The following BAG2 variants were observed in gnomAD, a reference collection of about 807,000 sequenced individuals.
The protein encoded by BAG2 is BAG family molecular chaperone regulator 2.
A neutral mutation model predicts 16.4 loss-of-function variants in BAG2; 8 were observed. The observed-to-expected ratio is 0.49, with a 90% CI of 0.29 to 0.88. The LOEUF is 0.88. Ranked by LOEUF, BAG2 falls within the 40% of genes least tolerant of loss-of-function variation. The pLI, the probability that BAG2 is intolerant of heterozygous loss-of-function variation, is 0.09. For missense variants in BAG2, 218 were observed against 248.9 expected (o/e 0.88, Z 0.84); for synonymous variants, 82 against 89.2 (o/e 0.92, Z 0.46).
intron 2 of BAG2, among the ~76,000 whole-genome samples, chr6:57,183,565 G>T (rs1764534410): frequency 6.6e-6 from 1 of 152,088 alleles, no homozygotes; most frequent in South Asian, 2.1e-4. Flanking sequence ...AAGTCATCTG[G>T]TATCCCATAT....
rs1475065058 is a variant in BAG2 at position 57,185,561 on chromosome 6, A to G, written c.*1371A>G. 1 of 152,252 alleles carries G rather than the reference A, an allele frequency of 6.6e-6. No individual in the cohort carries two copies. The highest frequency in any genetic ancestry group is 1.9e-4 in the East Asian group (1 of 5,208). The allele number at this position is 152,252 out of a possible 1,614,324, so 9.4% of individuals were successfully genotyped here. A position where few individuals can be genotyped will look rare whatever the true frequency, so the allele number is the denominator to read the frequency against. Reference sequence around the variant, plus strand: ...GTTAGTCTCTTTATAAAAAGCAGTTACAATCTGAAGACATTCATGTTACTT... The same window carrying G: ...GTTAGTCTCTTTATAAAAAGCAGTTGCAATCTGAAGACATTCATGTTACTT... On this transcript the variant is annotated 3_prime_UTR_variant, in exon 3 of 3. Transcript: ENST00000370693.
intron 1 of BAG2, among the ~76,000 whole-genome samples, chr6:57,179,283 T>C (rs1764371217): frequency 6.6e-6 from 1 of 152,220 alleles, no homozygotes; most frequent in Non-Finnish European, 1.5e-5. Flanking sequence ...AATATTTGTA[T>C]TTTGATTGTG....
At chr6:57,182,701 A>G (rs1442704166) in intron 2 of BAG2, among the ~76,000 whole-genome samples, 1 of 152,002 alleles carries the variant, frequency 6.6e-6, no homozygotes, top group Non-Finnish European at 1.5e-5. Context: ...CCCAGGCTGG[A>G]GTGCAATGGC....
intron 2 of BAG2, 128 bp downstream of exon 2, chr6:57,182,269 C>A: frequency 1.6e-6 from 1 of 627,998 alleles, no homozygotes; most frequent in Non-Finnish European, 2.7e-6. Flanking sequence ...ATGTGAGCCA[C>A]AGAGAGCAGC....
chr6:57,172,834 G>C, intron 1 of BAG2, 24 bp downstream of exon 1: 1 of 1,463,446 alleles, frequency 6.8e-7, no homozygotes, highest in Non-Finnish European at 9.1e-7. Flanking sequence ...GGGCGGTCTC[G>C]GGCGTTCTGC....
At position 57,182,118 on chromosome 6, in the gene BAG2, A is replaced by G; in HGVS notation, c.200A>G (p.Gln67Arg). The change falls in exon 2 of 3, where the codon CAG becomes CGG. Residue 67 changes from glutamine to arginine, a missense_variant. Around this residue, in one of 3 missense-constraint regions of BAG2, gnomAD observed 30 missense variants for 57.8 expected, o/e 0.52. Transcript: ENST00000370693. ...ATGATCCACAGTATCCAAAATAGCC[A>G]GGACATGAGGCAGATCAGTGACGGT... Reference protein sequence around the residue: ...LEMIHSIQNSQDMRQISDGER... With the variant: ...LEMIHSIQNSRDMRQISDGER... The G allele has an allele frequency of 1.2e-6, 2 of 1,614,160 alleles. No homozygotes were observed. The highest frequency in any genetic ancestry group is 1.7e-6 in the Non-Finnish European group (2 of 1,180,008).
At chr6:57,174,452 ATAT>A in intron 1 of BAG2, 1 of 1,214,944 alleles carries the variant, frequency 8.2e-7, no homozygotes, top group East Asian at 5.7e-5. Context: ...CAGGTTTTGA[ATAT>A]TATTATATTC....
In BAG2 at chr6:57,188,641, T is replaced by C. The variant is rs144680472; in HGVS notation, c.*4451T>C. On this transcript the variant is annotated 3_prime_UTR_variant, in exon 3 of 3. Transcript: ENST00000370693. ...TGACTCATTAGCAGTATCCACTGTT[T>C]GTTAGGAACTGAATTTTGCCCCCAA... 91 of 152,314 alleles carry C rather than the reference T, an allele frequency of 6.0e-4. 1 individual carries two copies. Among genetic ancestry groups the C allele is most frequent in the African/African-American group, 2.1e-3 (87 of 41,582 alleles). 9.4% of individuals were successfully genotyped at this position (152,314 alleles called of 1,614,324 possible).
At chr6:57,179,220 TACTG>T (rs1401358448) in intron 1 of BAG2, among the ~76,000 whole-genome samples, 2 of 152,190 alleles carry the variant, frequency 1.3e-5, no homozygotes, top group African/African-American at 2.4e-5. Flanking sequence ...TTTAAGTAAA[TACTG>T]AATGGTCCTG....
At position 57,183,943 on chromosome 6, in the gene BAG2, A is replaced by G; in HGVS notation, c.389A>G (p.Asn130Ser). ...AATAAGTTTCTGGATGATTTGGGAA[A>G]TGCCAAGAGTCATTTAATGTCGCTC... Reference protein sequence around the residue: ...VVNKFLDDLGNAKSHLMSLYS... With the variant: ...VVNKFLDDLGSAKSHLMSLYS... Residue 130 changes from asparagine (N) to serine (S), a missense_variant, in exon 3 of 3, where the codon AAT becomes AGT. Transcript: ENST00000370693. 1 of 1,614,066 alleles carries G rather than the reference A, an allele frequency of 6.2e-7. No individual in the cohort carries two copies. The highest frequency in any genetic ancestry group is 8.5e-7 in the Non-Finnish European group (1 of 1,179,974).
In BAG2 at chr6:57,172,706, G is replaced by C. The variant is rs758857860; in HGVS notation, c.9G>C (p.Gln3His). MA[Q>H]AKINAKANEG... ...CCGCGTCGGAGGCTTAGATGGCTCA[G>C]GCGAAGATCAACGCTAAAGCCAACG... Residue 3 changes from glutamine (Q) to histidine (H), a missense_variant, in exon 1 of 3, where the codon CAG becomes CAC. Physicochemically the swap from Gln to His is conservative, Grantham distance 24. Around this residue, in one of 3 missense-constraint regions of BAG2, gnomAD observed 75 missense variants for 63.1 expected, o/e 1.19. Coordinates refer to ENST00000370693, the MANE Select transcript of BAG2 (RefSeq NM_004282.4). 1 of 1,569,482 alleles carries C rather than the reference G, an allele frequency of 6.4e-7. No homozygotes were observed. Among genetic ancestry groups the C allele is most frequent in the Admixed American group, 1.8e-5 (1 of 54,876 alleles).
rs1039157200 is a variant in BAG2, at chr6:57,187,658, A to ACAT, written c.*3469_*3471dup. The ACAT allele has an allele frequency of 1.3e-5, 2 of 152,164 alleles. No individual in the cohort carries two copies. The highest frequency in any genetic ancestry group is 4.8e-5 in the African/African-American group (2 of 41,438). 9.4% of individuals were successfully genotyped at this position (152,164 alleles called of 1,614,324 possible). A position where few individuals can be genotyped will look rare whatever the true frequency, so the allele number is the denominator to read the frequency against. On this transcript the variant is annotated 3_prime_UTR_variant, in exon 3 of 3. Coordinates refer to ENST00000370693, the MANE Select transcript of BAG2 (RefSeq NM_004282.4). ...TAAAAGGGTCCAACACTAAGTTGGG[A>ACAT]CATTAGGTCCTAAGGCCAACTCCCT...
rs1349954143 is a variant in BAG2 at position 57,183,930 on chromosome 6, G to A, written c.376G>A (p.Asp126Asn). The A allele has an allele frequency of 6.2e-7, 1 of 1,613,960 alleles. No individual in the cohort carries two copies. The highest frequency in any genetic ancestry group is 1.3e-5 in the African/African-American group (1 of 74,926). ...TGATGAGGTGGTCAATAAGTTTCTGGATGATTTGGGAAATGCCAAGAGTCA... is the reference window on the plus strand; with the variant it reads ...TGATGAGGTGGTCAATAAGTTTCTGAATGATTTGGGAAATGCCAAGAGTCA... ...IIDEVVNKFL[D>N]DLGNAKSHLM... The change falls in exon 3 of 3, where the codon GAT becomes AAT. Residue 126 changes from aspartate (D) to asparagine (N), a missense_variant. Around this residue, in one of 3 missense-constraint regions of BAG2, gnomAD observed 113 missense variants for 128.0 expected, o/e 0.88. Transcript: ENST00000370693.
intron 1 of BAG2, among the ~76,000 whole-genome samples, chr6:57,177,724 G>C (rs561425570): frequency 6.6e-6 from 1 of 152,192 alleles, no homozygotes; most frequent in South Asian, 2.1e-4. Flanking sequence ...TTTCATAGGC[G>C]ACTGACCCAT....
intron 1 of BAG2, among the ~76,000 whole-genome samples, chr6:57,178,348 T>C (rs562983578): frequency 1.3e-5 from 2 of 152,226 alleles, no homozygotes; most frequent in Non-Finnish European, 2.9e-5. Context: ...GTACAAACGT[T>C]ACTTAAACTA....
At chr6:57,175,475 A>G (rs1166862302) in intron 1 of BAG2, among the ~76,000 whole-genome samples, 1 of 152,182 alleles carries the variant, frequency 6.6e-6, no homozygotes, top group Non-Finnish European at 1.5e-5. Context: ...TTGTGGGTCA[A>G]AAGACTCTCG....
At chr6:57,175,581 A>G (rs778471236) in intron 1 of BAG2, among the ~76,000 whole-genome samples, 26 of 152,190 alleles carry the variant, frequency 1.7e-4, no homozygotes, top group Non-Finnish European at 3.7e-4. Flanking sequence ...GGGTTTCCCC[A>G]TTCAGTCTGT....
chr6:57,184,585 C>CA lies in BAG2; in HGVS notation c.*396dup, dbSNP rs1764568221. 1 of 156,994 alleles carries CA rather than the reference C, an allele frequency of 6.4e-6. No homozygotes were observed. Among genetic ancestry groups the CA allele is most frequent in the Non-Finnish European group, 1.4e-5 (1 of 71,052 alleles). The allele number at this position is 156,994 out of a possible 1,614,324, so 9.7% of individuals were successfully genotyped here. ...GAAATTCTTTACCTTAAGCAGCACA[C>CA]ACATTTACTACACACACAGTGTTAA... is the stretch of plus-strand genomic sequence containing the variant. On this transcript the variant is annotated 3_prime_UTR_variant, in exon 3 of 3. Transcript: ENST00000370693.
chr6:57,176,614 C>T (rs967200198), intron 1 of BAG2, among the ~76,000 whole-genome samples: 6 of 152,160 alleles, frequency 3.9e-5, no homozygotes, highest in Non-Finnish European at 8.8e-5. Context: ...AACACAGTGG[C>T]TCCTTCTGCC....
Sources: gnomAD v4.1 joint callset for allele counts (sites outside exome capture counted in the v4.1 genomes callset) on GRCh38, gnomAD v4.1.1 for gene constraint, gnomAD v4.1.1 regional missense constraint, MANE v1.5 for transcripts, NCBI Gene and HGNC (gene_info 2026-07-23, HGNC 2026-07-21) for gene names.